CTNNA1: variants seen among roughly 807,000 people sequenced by gnomAD.
CTNNA1 encodes the protein catenin alpha 1.
CTNNA1 carries 37 observed loss-of-function variants against 98.4 expected under a neutral mutation model. The ratio of observed to expected loss-of-function variants is 0.38; its 90% CI spans 0.29 to 0.49. The LOEUF (loss-of-function observed/expected upper bound fraction) is 0.49, where lower values mean the gene tolerates loss of function less well. Ranked by LOEUF, CTNNA1 falls within the 20% of genes least tolerant of loss-of-function variation. CTNNA1 has a pLI of 0.95. For synonymous variants in CTNNA1, 404 were observed against 413.2 expected, an observed-to-expected ratio of 0.98 and a Z score of 0.27; for missense variants, 761 against 1,147.2, an observed-to-expected ratio of 0.66 and a Z score of 4.86.
At chr5:138,877,463 C>T (rs1442415547) in intron 7 of CTNNA1, among the ~76,000 whole-genome samples, 2 of 139,484 alleles carry the variant, frequency 1.4e-5, no homozygotes, top group African/African-American at 2.7e-5. Context: ...TTTTTTGAGA[C>T]GGAGTCTCGC....
chr5:138,897,724 C>T (rs1406609074), intron 9 of CTNNA1, among the ~76,000 whole-genome samples: 1 of 151,964 alleles, frequency 6.6e-6, no homozygotes, highest in Non-Finnish European at 1.5e-5. Flanking sequence ...AAGTTCAGAC[C>T]CTTACTTTTG....
chr5:138,796,691 G>A (rs1041780661), intron 3 of CTNNA1, among the ~76,000 whole-genome samples: 1 of 152,188 alleles, frequency 6.6e-6, no homozygotes, highest in Non-Finnish European at 1.5e-5. Context: ...TTCCAAGTAT[G>A]CTCATGAAAC....
chr5:138,933,655 G>C (rs763733311), intron 17 of CTNNA1, 147 bp from the exon 18 acceptor site: 52 of 767,724 alleles, frequency 6.8e-5, no homozygotes, highest in East Asian at 2.1e-4. Flanking sequence ...GTGTTCTTCA[G>C]GAACAGGCTG....
At chr5:138,815,956 G>C (rs751103672) in intron 5 of CTNNA1, among the ~76,000 whole-genome samples, 6 of 152,184 alleles carry the variant, frequency 3.9e-5, no homozygotes, top group Non-Finnish European at 7.3e-5. Context: ...GGCCCAGCCT[G>C]ATGGAAACTT....
At chr5:138,795,483 C>T (rs1756864437) in intron 3 of CTNNA1, among the ~76,000 whole-genome samples, 1 of 151,788 alleles carries the variant, frequency 6.6e-6, no homozygotes, top group African/African-American at 2.4e-5. Flanking sequence ...AAGAAAAAAG[C>T]TATCACTTGT....
intron 5 of CTNNA1, among the ~76,000 whole-genome samples, chr5:138,812,914 T>C (rs1252432379): frequency 6.6e-6 from 1 of 152,238 alleles, no homozygotes; most frequent in Non-Finnish European, 1.5e-5. Flanking sequence ...GGAAGATCCA[T>C]ATATTGCTAT....
chr5:138,858,783 G>C (rs1481220096), intron 7 of CTNNA1, among the ~76,000 whole-genome samples: 5 of 152,008 alleles, frequency 3.3e-5, no homozygotes, highest in Admixed American at 3.3e-4. Flanking sequence ...ATTTTTAGTA[G>C]AGACAGGGTT....
At chr5:138,910,717 C>G (rs575263165) in intron 10 of CTNNA1, among the ~76,000 whole-genome samples, 2 of 152,164 alleles carry the variant, frequency 1.3e-5, no homozygotes, top group South Asian at 4.2e-4. Context: ...AAACAAAGAC[C>G]TGAAGGAAAT....
chr5:138,789,932 T>A (rs1392451102), intron 3 of CTNNA1, among the ~76,000 whole-genome samples: 1 of 152,230 alleles, frequency 6.6e-6, no homozygotes, highest in East Asian at 1.9e-4. Context: ...AAGCTTTTTT[T>A]TCCCCTTAGA....
chr5:138,921,047 A>C (rs1188750104), intron 11 of CTNNA1, among the ~76,000 whole-genome samples: 1 of 152,202 alleles, frequency 6.6e-6, no homozygotes, highest in Non-Finnish European at 1.5e-5. Flanking sequence ...GAGGAGGGGT[A>C]GGGTCTCCTC....
At chr5:138,925,476 C>A in intron 13 of CTNNA1, 69 bp downstream of exon 13, 1 of 1,561,272 alleles carries the variant, frequency 6.4e-7, no homozygotes, top group South Asian at 1.2e-5. Flanking sequence ...AGCAATGCGT[C>A]ATTCTAGAAC....
intron 11 of CTNNA1, among the ~76,000 whole-genome samples, chr5:138,922,166 G>T (rs1367836505): frequency 6.6e-6 from 1 of 152,134 alleles, no homozygotes; most frequent in Non-Finnish European, 1.5e-5. Context: ...CATGGTTCCT[G>T]GGGGGCAATT....
intron 9 of CTNNA1, among the ~76,000 whole-genome samples, chr5:138,892,089 A>G (rs1242535092): frequency 1.3e-5 from 2 of 152,126 alleles, no homozygotes; most frequent in African/African-American, 4.8e-5. Context: ...CATCTTACAT[A>G]TATGGATTGA....
At chr5:138,888,419 C>T (rs1035132714) in intron 9 of CTNNA1, among the ~76,000 whole-genome samples, 1 of 152,192 alleles carries the variant, frequency 6.6e-6, no homozygotes, top group Non-Finnish European at 1.5e-5. Context: ...ACATCTAATA[C>T]TTGGTAAAGA....
chr5:138,925,806 A>T (rs1763883861), intron 13 of CTNNA1, among the ~76,000 whole-genome samples: 1 of 152,200 alleles, frequency 6.6e-6, no homozygotes, highest in Admixed American at 6.5e-5. Context: ...CTGCAGGCAG[A>T]CGGGATGATG....
intron 10 of CTNNA1, among the ~76,000 whole-genome samples, chr5:138,913,662 T>C (rs1761138882): frequency 6.6e-6 from 1 of 152,242 alleles, no homozygotes; most frequent in Non-Finnish European, 1.5e-5. Flanking sequence ...TTTCTCATTT[T>C]TCTAACAGTT....
chr5:138,846,813 T>G (rs958795155), intron 7 of CTNNA1, among the ~76,000 whole-genome samples: 1 of 152,218 alleles, frequency 6.6e-6, no homozygotes, highest in African/African-American at 2.4e-5. Flanking sequence ...GCTGAGTGTT[T>G]TTCATTTGGG....
chr5:138,757,318 G>T (rs1176206661), intron 1 of CTNNA1, among the ~76,000 whole-genome samples: 1 of 152,110 alleles, frequency 6.6e-6, no homozygotes, highest in Non-Finnish European at 1.5e-5. Context: ...TACAGAGTTC[G>T]GTTTGGGAAG....
intron 7 of CTNNA1, among the ~76,000 whole-genome samples, chr5:138,866,811 G>A (rs1764826986): frequency 6.6e-6 from 1 of 152,136 alleles, no homozygotes. Flanking sequence ...TGAGGATAAA[G>A]GTCAAATTCA....
Sources: allele counts gnomAD v4.1 joint callset (sites outside exome capture counted in the v4.1 genomes callset), GRCh38; gene constraint gnomAD v4.1.1; transcripts MANE v1.5; gene names NCBI Gene and HGNC (gene_info 2026-07-23, HGNC 2026-07-21).